The following USP25 variants were observed in gnomAD, a reference collection of about 807,000 sequenced individuals.
The protein encoded by USP25 is ubiquitin specific peptidase 25.
USP25 carries 85 observed loss-of-function variants against 158.5 expected under a neutral mutation model. The ratio of observed to expected loss-of-function variants is 0.54; its 90% CI spans 0.45 to 0.64. The LOEUF is 0.64. USP25 is among the 30% of genes least tolerant of loss of function. USP25 has a pLI of 0.00. For synonymous variants in USP25, 464 were observed against 460.4 expected (o/e 1.01, Z -0.10); for missense variants, 1,242 against 1,327.3 (o/e 0.94, Z 1.00).
intron 1 of USP25, among the ~76,000 whole-genome samples, chr21:15,743,536 G>C (rs1328711014): frequency 6.6e-6 from 1 of 152,204 alleles, no homozygotes; most frequent in Non-Finnish European, 1.5e-5. Context: ...GGTTTGGAAT[G>C]AGGAGATGTG....
chr21:15,816,547 T>G lies in USP25; in HGVS notation c.932-2151T>G, dbSNP rs1203127859. Among the ~76,000 whole-genome samples, 1 of 152,164 alleles carries G rather than the reference T, an allele frequency of 6.6e-6. No homozygotes were observed. On this transcript the variant is annotated intron_variant, in intron 9 of 25. Transcript: ENST00000400183. This position sits in a 1 kb window ranked among gnomAD's most constrained non-coding sequence, Gnocchi z 4.0. ...GTGGGTACTTCTAAGAAAAGTTGTA[T>G]TTATAGTCTCTTTTTGCATATAAAG...
chr21:15,863,452 C>T (rs141891263), intron 20 of USP25, among the ~76,000 whole-genome samples: 240 of 152,132 alleles, frequency 1.6e-3, no homozygotes, highest in African/African-American at 5.4e-3. Context: ...GTGGGCTATT[C>T]AGCTAAAAGT....
chr21:15,833,034 A>G (rs1235617772), intron 16 of USP25, among the ~76,000 whole-genome samples: 2 of 151,872 alleles, frequency 1.3e-5, no homozygotes, highest in African/African-American at 4.8e-5. Context: ...ACAAACAACA[A>G]CAGCAACAAA....
rs2037509116 is a variant in USP25, at chr21:15,826,492, A to C, written c.1466+127A>C. On this transcript the variant is annotated intron_variant, in intron 13 of 25. Coordinates refer to ENST00000400183, the MANE Select transcript of USP25 (RefSeq NM_001283041.3). The surrounding 1 kb of genome is among the most constrained non-coding windows in gnomAD (Gnocchi z 4.8). Reference sequence around the variant, plus strand: ...TACTTCAGTGAACTCCTAAGAGTAGATTCACTTAGAAGACTGTATGTCCTC... The same window carrying C: ...TACTTCAGTGAACTCCTAAGAGTAGCTTCACTTAGAAGACTGTATGTCCTC... 3 of 1,081,016 alleles carry C rather than the reference A, an allele frequency of 2.8e-6. No homozygotes were observed. In the East Asian group the frequency reaches 7.4e-5, roughly 27 times the overall value. The allele number at this position is 1,081,016 out of a possible 1,614,324, so 67.0% of individuals were successfully genotyped here. A position where few individuals can be genotyped will look rare whatever the true frequency, so the allele number is the denominator to read the frequency against.
Position 15,791,561 on chromosome 21 carries a change from T to A in USP25, c.452T>A (p.Val151Asp). Reference protein sequence around the residue: ...KACLKRTPTEVWRDSRNPYDR... With the variant: ...KACLKRTPTEDWRDSRNPYDR... ...TGTTTGAAGAGGACACCTACAGAAG[T>A]TTGGAGGGATTCTCGAAACCCTTAT... Residue 151 changes from valine (V) to aspartate (D), a missense_variant, in exon 5 of 26, where the codon GTT becomes GAT. Physicochemically the swap from Val to Asp is radical, Grantham distance 152. Coordinates refer to ENST00000400183, the MANE Select transcript of USP25 (RefSeq NM_001283041.3). 1 of 1,611,550 alleles carries A rather than the reference T, an allele frequency of 6.2e-7. No homozygotes were observed. The highest frequency in any genetic ancestry group is 1.1e-5 in the South Asian group (1 of 90,932).
At chr21:15,770,206 A>G (rs1217027862) in intron 3 of USP25, among the ~76,000 whole-genome samples, 1 of 152,094 alleles carries the variant, frequency 6.6e-6, no homozygotes, top group Non-Finnish European at 1.5e-5. Flanking sequence ...CCATTGCCCA[A>G]GTAACTTCAG....
At chr21:15,792,868 A>G (rs2035665659) in intron 5 of USP25, among the ~76,000 whole-genome samples, 1 of 151,644 alleles carries the variant, frequency 6.6e-6, no homozygotes, top group Non-Finnish European at 1.5e-5. Flanking sequence ...TGAAGATGCT[A>G]AGGAATACCT....
chr21:15,772,046 A>C (rs893882592), intron 3 of USP25, among the ~76,000 whole-genome samples: 1 of 152,134 alleles, frequency 6.6e-6, no homozygotes, highest in African/African-American at 2.4e-5. Context: ...GCTTTTGTGA[A>C]CTTACTTAGA....
chr21:15,802,919 G>C (rs1363393846), intron 6 of USP25, among the ~76,000 whole-genome samples: 1 of 151,574 alleles, frequency 6.6e-6, no homozygotes, highest in Non-Finnish European at 1.5e-5. Flanking sequence ...GACTAAGCAA[G>C]AAAGAAGAGG....
chr21:15,833,969 A>G (rs1211163985), intron 17 of USP25, among the ~76,000 whole-genome samples: 1 of 152,196 alleles, frequency 6.6e-6, no homozygotes, highest in Non-Finnish European at 1.5e-5. Flanking sequence ...GGCCAAAATA[A>G]TACTACCGGT....
intron 4 of USP25, among the ~76,000 whole-genome samples, chr21:15,783,948 C>T (rs1402239951): frequency 7.9e-5 from 12 of 151,704 alleles, no homozygotes; most frequent in Admixed American, 7.2e-4. Context: ...CCAGCCTGGG[C>T]GACAGAGCGA....
chr21:15,796,071 T>C (rs943104811), intron 5 of USP25, among the ~76,000 whole-genome samples: 1 of 151,604 alleles, frequency 6.6e-6, no homozygotes, highest in African/African-American at 2.4e-5. Flanking sequence ...GTAAGTGCTT[T>C]TCAAAATTCA....
chr21:15,835,652 G>A (rs903647794), intron 17 of USP25, among the ~76,000 whole-genome samples: 1 of 152,172 alleles, frequency 6.6e-6, no homozygotes, highest in Non-Finnish European at 1.5e-5. Context: ...AAGATGAAGA[G>A]ATGGAAATGG....
At chr21:15,849,588 C>T (rs1032140615) in intron 19 of USP25, among the ~76,000 whole-genome samples, 189 bp from the exon 20 acceptor site, 4 of 152,092 alleles carry the variant, frequency 2.6e-5, no homozygotes, top group African/African-American at 9.7e-5. Context: ...CACAAAGGCT[C>T]CGTATGAGCC....
rs773795221 is a variant in USP25, at chr21:15,830,593, A to G, written c.1756A>G (p.Met586Val). The change falls in exon 15 of 26, where the codon ATG (methionine) becomes GTG (valine). Residue 586 changes from methionine (M) to valine (V), a missense_variant. By Grantham distance (21) the Met-to-Val change is conservative. This residue lies in a region of USP25 where 627 missense variants were observed against 701.4 expected (regional missense o/e 0.89). Coordinates refer to ENST00000400183, the MANE Select transcript of USP25 (RefSeq NM_001283041.3). ...TIELMYSDKS[M>V]IQVPYRLHAV... ...TGAATTAATGTACTCTGACAAATCTATGATACAAGTAAGTGAAATTTTGAG... is the reference window on the plus strand; with the variant it reads ...TGAATTAATGTACTCTGACAAATCTGTGATACAAGTAAGTGAAATTTTGAG... 11 of 1,595,020 alleles carry G rather than the reference A, an allele frequency of 6.9e-6. No individual in the cohort carries two copies. The highest frequency in any genetic ancestry group is 2.3e-5 in the East Asian group (1 of 44,362).
At chr21:15,808,974 C>T (rs1600982022) in intron 8 of USP25, 89 bp downstream of exon 8, 1 of 955,224 alleles carries the variant, frequency 1.0e-6, no homozygotes, top group East Asian at 2.6e-5. Flanking sequence ...GAAATCAAGA[C>T]AGACTTATGG....
chr21:15,841,668 A>G (rs1041323568), intron 17 of USP25, among the ~76,000 whole-genome samples: 3 of 152,154 alleles, frequency 2.0e-5, no homozygotes, highest in Non-Finnish European at 4.4e-5. Flanking sequence ...GTCAAAATTT[A>G]TATATATGAT....
chr21:15,740,395 C>T (rs557017944), intron 1 of USP25, among the ~76,000 whole-genome samples: 1 of 152,196 alleles, frequency 6.6e-6, no homozygotes, highest in Non-Finnish European at 1.5e-5. Context: ...TTTGAACGGA[C>T]ATTGTTTTTT....
intron 18 of USP25, among the ~76,000 whole-genome samples, chr21:15,845,632 G>A (rs2038547866): frequency 6.6e-6 from 1 of 152,202 alleles, no homozygotes; most frequent in Admixed American, 6.5e-5. Flanking sequence ...TGTTTTGTAA[G>A]GATTAATATT....
Sources: allele counts gnomAD v4.1 joint callset (sites outside exome capture counted in the v4.1 genomes callset), GRCh38; gene constraint gnomAD v4.1.1; regional missense constraint gnomAD v4.1.1; non-coding constraint Gnocchi (gnomAD v3.1); transcripts MANE v1.5; gene names NCBI Gene and HGNC (gene_info 2026-07-23, HGNC 2026-07-21).